Variants in SLC35D4 observed in about 807,000 individuals in gnomAD.
SLC35D4 encodes UDP-N-acetylglucosamine transporter SLC35D4.
chr18:23,287,978 A>C, the SLC35D4 span, among the ~76,000 whole-genome samples: 2 of 152,172 alleles, frequency 1.3e-5, no homozygotes, highest in South Asian at 2.1e-4. Context: ...CACCCTCTAC[A>C]GCTCTCATAA....
At chr18:23,371,284 G>T in the SLC35D4 span, 1 of 612,302 alleles carries the variant, frequency 1.6e-6, no homozygotes, top group Non-Finnish European at 2.7e-6. Flanking sequence ...TTGTAGAGAT[G>T]GGGTTTCTCA....
chr18:23,371,539 T>A, the SLC35D4 span: 2 of 1,310,036 alleles, frequency 1.5e-6, no homozygotes, highest in Admixed American at 4.5e-5. Flanking sequence ...AGTGTGGCCA[T>A]CAGAAAACCT....
chr18:23,243,780 G>C, the SLC35D4 span, among the ~76,000 whole-genome samples: 55 of 151,302 alleles, frequency 3.6e-4, no homozygotes, highest in African/African-American at 1.3e-3. Flanking sequence ...GCTGAGGCAG[G>C]AGAATCGCTT....
chr18:23,359,732 C>A, the SLC35D4 span, among the ~76,000 whole-genome samples: 4 of 152,172 alleles, frequency 2.6e-5, no homozygotes, highest in African/African-American at 4.8e-5. Flanking sequence ...CACCAGGTAA[C>A]AAGGTTGTTT....
the SLC35D4 span, among the ~76,000 whole-genome samples, chr18:23,328,163 T>C: frequency 1.3e-5 from 2 of 152,154 alleles, no homozygotes; most frequent in Non-Finnish European, 2.9e-5. Context: ...ATGCCCTCTC[T>C]CACCACTCCT....
At chr18:23,361,890 C>T in the SLC35D4 span, among the ~76,000 whole-genome samples, 1 of 152,170 alleles carries the variant, frequency 6.6e-6, no homozygotes, top group African/African-American at 2.4e-5. Context: ...ATATAATTTG[C>T]ATACTATAAA....
At chr18:23,251,339 T>C in the SLC35D4 span, among the ~76,000 whole-genome samples, 1 of 152,146 alleles carries the variant, frequency 6.6e-6, no homozygotes, top group Non-Finnish European at 1.5e-5. Flanking sequence ...TAGTTCCAGC[T>C]ACTCGGAAGG....
At chr18:23,408,816 CTTTT>C in the SLC35D4 span, among the ~76,000 whole-genome samples, 2 of 114,852 alleles carry the variant, frequency 1.7e-5, no homozygotes, top group African/African-American at 3.1e-5. Context: ...TCTTATCTCT[CTTTT>C]TTTTTTTTTT....
At chr18:23,344,742 C>T in the SLC35D4 span, among the ~76,000 whole-genome samples, 316 of 152,100 alleles carry the variant, frequency 2.1e-3, 2 homozygotes, top group African/African-American at 7.1e-3. Flanking sequence ...GCTGGGACTA[C>T]AGGTGCCCGC....
At chr18:23,410,660 C>A in the SLC35D4 span, among the ~76,000 whole-genome samples, 1 of 149,382 alleles carries the variant, frequency 6.7e-6, no homozygotes, top group East Asian at 2.0e-4. Flanking sequence ...AGCCGGGCAT[C>A]ATGGCGGGCG....
the SLC35D4 span, among the ~76,000 whole-genome samples, chr18:23,336,739 T>C: frequency 1.3e-5 from 2 of 152,130 alleles, no homozygotes. Flanking sequence ...GAACCTCAAA[T>C]AGTGAACTGG....
At chr18:23,387,987 T>C in the SLC35D4 span, among the ~76,000 whole-genome samples, 1 of 152,220 alleles carries the variant, frequency 6.6e-6, no homozygotes, top group African/African-American at 2.4e-5. Flanking sequence ...ATTCTTGGCT[T>C]GAAAGGACAG....
the SLC35D4 span, among the ~76,000 whole-genome samples, chr18:23,345,032 C>A: frequency 6.6e-6 from 1 of 152,088 alleles, no homozygotes; most frequent in African/African-American, 2.4e-5. Context: ...GCCATTAAGG[C>A]TTTTTGTTAT....
chr18:23,285,124 C>T, the SLC35D4 span, among the ~76,000 whole-genome samples: 3 of 152,214 alleles, frequency 2.0e-5, no homozygotes, highest in Non-Finnish European at 4.4e-5. Context: ...GAGCCCTGAC[C>T]TCTTATCTCT....
the SLC35D4 span, among the ~76,000 whole-genome samples, chr18:23,241,888 T>A: frequency 6.6e-6 from 1 of 152,152 alleles, no homozygotes; most frequent in African/African-American, 2.4e-5. Context: ...CAAATTAGCC[T>A]TGCACCCATA....
At chr18:23,265,523 G>A in the SLC35D4 span, among the ~76,000 whole-genome samples, 1 of 150,660 alleles carries the variant, frequency 6.6e-6, no homozygotes, top group African/African-American at 2.4e-5. Flanking sequence ...CACCAAGAAT[G>A]GATAGGAACA....
chr18:23,410,293 C>T, the SLC35D4 span, among the ~76,000 whole-genome samples: 1 of 151,846 alleles, frequency 6.6e-6, no homozygotes, highest in Non-Finnish European at 1.5e-5. Flanking sequence ...CTGGCTAACA[C>T]AGTGAAACCC....
At chr18:23,432,311 T>C in the SLC35D4 span, among the ~76,000 whole-genome samples, 2 of 152,252 alleles carry the variant, frequency 1.3e-5, no homozygotes, top group East Asian at 3.9e-4. Context: ...ACGCAATTCC[T>C]CACATCACTG....
the SLC35D4 span, among the ~76,000 whole-genome samples, chr18:23,319,244 C>CTTTA: frequency 0.022 from 3,232 of 147,354 alleles, 45 homozygotes; most frequent in African/African-American, 0.042. Flanking sequence ...TATTTCAGTG[C>CTTTA]TTTATTTATT....
Sources: gnomAD v4.1 joint callset for allele counts (sites outside exome capture counted in the v4.1 genomes callset) on GRCh38, gnomAD v4.1.1 for gene constraint, MANE v1.5 for transcripts, NCBI Gene and HGNC (gene_info 2026-07-23, HGNC 2026-07-21) for gene names.